The following NKAIN2 variants were observed in gnomAD, a reference collection of about 807,000 sequenced individuals.
The protein encoded by NKAIN2 is sodium/potassium transporting ATPase interacting 2, also known as sodium/potassium-transporting ATPase subunit beta-1-interacting protein 2.
Under a neutral mutation model 32.6 loss-of-function variants are expected in NKAIN2, and 14 were observed. The observed-to-expected ratio is 0.43, with a 90% CI of 0.28 to 0.67. NKAIN2 has a LOEUF of 0.67. Ranked by LOEUF, NKAIN2 falls within the 30% of genes least tolerant of loss-of-function variation. The pLI, the probability that NKAIN2 is intolerant of heterozygous loss-of-function variation, is 0.17. For synonymous variants in NKAIN2, 80 were observed against 87.2 expected (o/e 0.92, Z 0.46); for missense variants, 198 against 258.3 (o/e 0.77, Z 1.60).
At chr6:124,609,351 A>G (rs1782606392) in intron 3 of NKAIN2, among the ~76,000 whole-genome samples, 1 of 152,182 alleles carries the variant, frequency 6.6e-6, no homozygotes, top group Non-Finnish European at 1.5e-5. Flanking sequence ...AGTCAGTTTT[A>G]CTTTATTTTT....
At position 123,933,032 on chromosome 6, in the gene NKAIN2, T is replaced by G. The variant is rs546534960; in HGVS notation, c.54+128778T>G. 2.6e-5 allele frequency among the ~76,000 whole-genome samples: 4 copies of G among 152,306 alleles called. No homozygotes were observed. The East Asian group carries it at 7.7e-4, about 29-fold the overall frequency. ...TCCTCAAAATACTTTACTGTCTGTC[T>G]GTTACCAACATCAGCAATTCTTAGC... On this transcript the variant is annotated intron_variant, in intron 1 of 6. Transcript: ENST00000368417.
At chr6:124,269,622 C>T (rs994120910) in intron 1 of NKAIN2, among the ~76,000 whole-genome samples, 3 of 152,046 alleles carry the variant, frequency 2.0e-5, no homozygotes, top group Middle Eastern at 3.4e-3. Context: ...TGCCTGCCAC[C>T]ACATTTGGCT....
intron 3 of NKAIN2, among the ~76,000 whole-genome samples, chr6:124,440,329 GA>G (rs1375267726): frequency 4.6e-5 from 7 of 152,180 alleles, no homozygotes; most frequent in South Asian, 2.1e-4. Context: ...TAAGTTGCAA[GA>G]AAAAGTTTAA....
intron 3 of NKAIN2, among the ~76,000 whole-genome samples, chr6:124,361,805 A>G (rs1317118275): frequency 6.6e-6 from 1 of 152,124 alleles, no homozygotes; most frequent in East Asian, 1.9e-4. Context: ...TATAGGGAAC[A>G]AATCCTTAAA....
chr6:124,212,143 C>G (rs1233962252), intron 1 of NKAIN2, among the ~76,000 whole-genome samples: 2 of 152,054 alleles, frequency 1.3e-5, no homozygotes, highest in Non-Finnish European at 2.9e-5. Flanking sequence ...AAACCTAGTA[C>G]AGTTCTCTAG....
At chr6:124,009,742 A>T (rs1041669807) in intron 1 of NKAIN2, among the ~76,000 whole-genome samples, 1 of 152,216 alleles carries the variant, frequency 6.6e-6, no homozygotes, top group Non-Finnish European at 1.5e-5. Context: ...AACATTGTGA[A>T]TGAATCTAGA....
At chr6:124,247,483 T>G (rs936045796) in intron 1 of NKAIN2, among the ~76,000 whole-genome samples, 3 of 152,140 alleles carry the variant, frequency 2.0e-5, no homozygotes, top group African/African-American at 7.2e-5. Context: ...AGAGAATAAT[T>G]TGGATCAAGT....
At chr6:124,550,484 G>T (rs994863837) in intron 3 of NKAIN2, among the ~76,000 whole-genome samples, 1 of 152,040 alleles carries the variant, frequency 6.6e-6, no homozygotes, top group African/African-American at 2.4e-5. Context: ...GGTTCAAACA[G>T]TTCTCCAAAG....
At chr6:123,858,827 T>C (rs1775665419) in intron 1 of NKAIN2, among the ~76,000 whole-genome samples, 1 of 152,210 alleles carries the variant, frequency 6.6e-6, no homozygotes, top group Admixed American at 6.5e-5. Context: ...GCCAGAAGAT[T>C]TAATTGAGAC....
chr6:124,711,606 C>T (rs993592352), intron 4 of NKAIN2, among the ~76,000 whole-genome samples: 10 of 150,524 alleles, frequency 6.6e-5, no homozygotes, highest in African/African-American at 1.2e-4. Context: ...TCCAGTTGAT[C>T]GCATCGGCTC....
chr6:124,255,539 G>C (rs371372160), intron 1 of NKAIN2, among the ~76,000 whole-genome samples: 11 of 152,286 alleles, frequency 7.2e-5, no homozygotes, highest in African/African-American at 2.6e-4. Context: ...ATTTCGCGGA[G>C]GATGCCGCAT....
intron 1 of NKAIN2, among the ~76,000 whole-genome samples, chr6:124,113,066 C>A (rs910009266): frequency 6.6e-6 from 1 of 151,896 alleles, no homozygotes; most frequent in African/African-American, 2.4e-5. Context: ...GCATCTTAGT[C>A]GGATTCTTCA....
intron 2 of NKAIN2, among the ~76,000 whole-genome samples, chr6:124,352,276 G>A (rs1001847919): frequency 3.3e-5 from 5 of 152,046 alleles, no homozygotes; most frequent in African/African-American, 1.2e-4. Flanking sequence ...GTTTCAACTT[G>A]ATTTTTAACC....
chr6:124,529,194 A>T (rs1166222396), intron 3 of NKAIN2, among the ~76,000 whole-genome samples: 3 of 152,204 alleles, frequency 2.0e-5, no homozygotes, highest in Admixed American at 1.3e-4. Flanking sequence ...ACATTGATGT[A>T]TACAGAACAG....
At chr6:124,249,567 A>G (rs1002639323) in intron 1 of NKAIN2, among the ~76,000 whole-genome samples, 1 of 152,100 alleles carries the variant, frequency 6.6e-6, no homozygotes, top group African/African-American at 2.4e-5. Flanking sequence ...TACTGAAACA[A>G]TAAGATGCTG....
chr6:124,705,146 T>C (rs746538492), intron 4 of NKAIN2, among the ~76,000 whole-genome samples: 5 of 151,960 alleles, frequency 3.3e-5, no homozygotes, highest in Non-Finnish European at 7.4e-5. Context: ...ATGTGATAAA[T>C]AGTACTAGGA....
chr6:124,439,179 A>G (rs958155037), intron 3 of NKAIN2, among the ~76,000 whole-genome samples: 3 of 152,144 alleles, frequency 2.0e-5, no homozygotes, highest in African/African-American at 7.2e-5. Context: ...CTTCCGCTCT[A>G]AAGAAACCTA....
At position 124,099,392 on chromosome 6, in the gene NKAIN2, A is replaced by G. The variant is rs575632345; in HGVS notation, c.55-183613A>G. 2.6e-5 allele frequency among the ~76,000 whole-genome samples: 4 copies of G among 152,338 alleles called. No individual in the cohort carries two copies. The South Asian group carries it at 6.2e-4, about 24-fold the overall frequency. ...TTTGAATTTAGGTTGCCTGACCTGAAAGTACAGACATTGCTTTAATCACAA... is the reference window on the plus strand; with the variant it reads ...TTTGAATTTAGGTTGCCTGACCTGAGAGTACAGACATTGCTTTAATCACAA... On this transcript the variant is annotated intron_variant, in intron 1 of 6. Coordinates refer to ENST00000368417, the MANE Select transcript of NKAIN2 (RefSeq NM_001040214.3).
intron 3 of NKAIN2, among the ~76,000 whole-genome samples, chr6:124,431,841 A>C (rs1019466710): frequency 6.6e-6 from 1 of 152,172 alleles, no homozygotes; most frequent in African/African-American, 2.4e-5. Context: ...ATAAATCCTT[A>C]TGTAAAGAGA....
Sources: gnomAD v4.1 joint callset for allele counts (sites outside exome capture counted in the v4.1 genomes callset) on GRCh38, gnomAD v4.1.1 for gene constraint, MANE v1.5 for transcripts, NCBI Gene and HGNC (gene_info 2026-07-23, HGNC 2026-07-21) for gene names.